Variants in DLG2 observed in about 807,000 individuals in gnomAD.
The protein encoded by DLG2 is disks large homolog 2.
Under a neutral mutation model 132.5 loss-of-function variants are expected in DLG2, and 45 were observed. The ratio of observed to expected loss-of-function variants is 0.34; its 90% CI spans 0.27 to 0.44. The LOEUF (loss-of-function observed/expected upper bound fraction) is 0.44. Ranked by LOEUF, DLG2 falls within the 20% of genes least tolerant of loss-of-function variation. The pLI, the probability that DLG2 is intolerant of heterozygous loss-of-function variation, is 1.00. For synonymous variants in DLG2, 424 were observed against 419.6 expected (o/e 1.01, Z -0.13); for missense variants, 1,045 against 1,196.9 (o/e 0.87, Z 1.87).
chr11:85,275,004 A>G (rs1293859176), intron 4 of DLG2, among the ~76,000 whole-genome samples: 1 of 152,182 alleles, frequency 6.6e-6, no homozygotes, highest in East Asian at 1.9e-4. Context: ...TTTTCCCTGT[A>G]TCTTCGGGAA....
At chr11:85,225,282 C>A (rs1165284363) in intron 4 of DLG2, among the ~76,000 whole-genome samples, 2 of 152,070 alleles carry the variant, frequency 1.3e-5, no homozygotes, top group East Asian at 3.9e-4. Context: ...TTCTCCTAGA[C>A]CCTAAAGTGG....
intron 6 of DLG2, among the ~76,000 whole-genome samples, chr11:84,933,383 G>A (rs1566438290): frequency 1.3e-5 from 2 of 152,114 alleles, no homozygotes; most frequent in South Asian, 2.1e-4. Context: ...TTTTAAAATA[G>A]TTTTTTCTAG....
intron 7 of DLG2, among the ~76,000 whole-genome samples, chr11:84,495,047 CAT>C (rs2099177460): frequency 6.6e-6 from 1 of 152,180 alleles, no homozygotes; most frequent in Non-Finnish European, 1.5e-5. Flanking sequence ...AGCTCACCCA[CAT>C]ACACACACCC....
chr11:83,936,472 T>A (rs1182694237), intron 14 of DLG2, among the ~76,000 whole-genome samples: 1 of 152,200 alleles, frequency 6.6e-6, no homozygotes, highest in Non-Finnish European at 1.5e-5. Context: ...GATTGTTGGG[T>A]CATAAGTAAT....
intron 7 of DLG2, among the ~76,000 whole-genome samples, chr11:84,505,030 A>G (rs1425006580): frequency 1.3e-5 from 2 of 152,138 alleles, no homozygotes; most frequent in African/African-American, 4.8e-5. Context: ...CAAATTGCCA[A>G]TGGATAGGAG....
intron 8 of DLG2, among the ~76,000 whole-genome samples, chr11:84,178,743 G>GA (rs902065613): frequency 4.2e-4 from 61 of 143,730 alleles, no homozygotes; most frequent in African/African-American, 1.2e-3. Context: ...CAACAAAAAA[G>GA]AAAAAAAAAA....
At chr11:84,052,864 C>G (rs935421101) in intron 11 of DLG2, among the ~76,000 whole-genome samples, 2 of 151,960 alleles carry the variant, frequency 1.3e-5, no homozygotes, top group Admixed American at 6.6e-5. Flanking sequence ...AGATAGTCCT[C>G]AAAGACCTAA....
At chr11:84,410,574 C>CTTTTTTTT (rs367980167) in intron 7 of DLG2, among the ~76,000 whole-genome samples, 1 of 109,094 alleles carries the variant, frequency 9.2e-6, no homozygotes, top group Non-Finnish European at 1.8e-5. Flanking sequence ...ACCACATAAA[C>CTTTTTTTT]TTTTTTTTTT....
At chr11:84,913,441 A>C (rs1186158995) in intron 6 of DLG2, among the ~76,000 whole-genome samples, 1 of 152,196 alleles carries the variant, frequency 6.6e-6, no homozygotes, top group Non-Finnish European at 1.5e-5. Context: ...TCTGCTGAAA[A>C]GTAATGGTCC....
In DLG2 at chr11:84,866,855, G is replaced by A. The variant is rs78370075; in HGVS notation, c.357+244806C>T. Among the ~76,000 whole-genome samples the A allele has an allele frequency of 2.6e-4, 40 of 152,288 alleles. No homozygotes were observed. The East Asian group carries it at 6.9e-3, about 26-fold the overall frequency. On this transcript the variant is annotated intron_variant, in intron 6 of 27. Transcript: ENST00000376104. Reference sequence around the variant, plus strand: ...TAAAGTGATAGCTGATAAGTGGCACGAGAAGAGTTCAAGTCTTGACTCAAA... The same window carrying A: ...TAAAGTGATAGCTGATAAGTGGCACAAGAAGAGTTCAAGTCTTGACTCAAA...
chr11:85,468,579 C>T (rs2153071143), intron 3 of DLG2, among the ~76,000 whole-genome samples: 2 of 152,306 alleles, frequency 1.3e-5, no homozygotes, highest in South Asian at 4.1e-4. Context: ...ACCCAGTAGT[C>T]ACACAGGAGC....
chr11:85,340,169 A>G (rs942124737), intron 3 of DLG2, among the ~76,000 whole-genome samples: 2 of 152,188 alleles, frequency 1.3e-5, no homozygotes, highest in African/African-American at 4.8e-5. Context: ...AAATCATGCT[A>G]CTATAAAGAC....
At chr11:85,532,969 A>G (rs966905104) in intron 3 of DLG2, among the ~76,000 whole-genome samples, 1 of 152,204 alleles carries the variant, frequency 6.6e-6, no homozygotes, top group Non-Finnish European at 1.5e-5. Context: ...ATATGAAAAG[A>G]AATTTTGTGA....
intron 7 of DLG2, among the ~76,000 whole-genome samples, chr11:84,331,135 T>C (rs1332232170): frequency 2.0e-5 from 3 of 152,204 alleles, no homozygotes; most frequent in African/African-American, 7.2e-5. Flanking sequence ...AGCAAGAGGT[T>C]TGAATTTATG....
At chr11:85,187,602 T>C (rs976972127) in intron 4 of DLG2, among the ~76,000 whole-genome samples, 10 of 152,144 alleles carry the variant, frequency 6.6e-5, no homozygotes. Flanking sequence ...GAAATGTTTA[T>C]TCATGAAAAA....
intron 6 of DLG2, among the ~76,000 whole-genome samples, chr11:84,783,936 G>A (rs1040858478): frequency 4.6e-5 from 7 of 151,868 alleles, no homozygotes; most frequent in Non-Finnish European, 1.0e-4. Context: ...GAAGCAAATG[G>A]AGTTTTCTAG....
At chr11:83,657,222 T>C (rs775809003) in intron 18 of DLG2, among the ~76,000 whole-genome samples, 7 of 152,214 alleles carry the variant, frequency 4.6e-5, no homozygotes, top group Non-Finnish European at 8.8e-5. Flanking sequence ...TTGGATGGGC[T>C]AACAAAACAA....
At chr11:83,690,831 T>C (rs2080862950) in intron 18 of DLG2, among the ~76,000 whole-genome samples, 1 of 152,222 alleles carries the variant, frequency 6.6e-6, no homozygotes, top group South Asian at 2.1e-4. Context: ...TATGAAACTT[T>C]TATATAAAAG....
intron 12 of DLG2, among the ~76,000 whole-genome samples, chr11:83,976,530 A>C (rs1357717048): frequency 2.6e-5 from 4 of 151,892 alleles, no homozygotes; most frequent in Non-Finnish European, 5.9e-5. Flanking sequence ...GGAATGACAG[A>C]AGGAGAGCAT....
Sources: gnomAD v4.1 joint callset for allele counts (sites outside exome capture counted in the v4.1 genomes callset) on GRCh38, gnomAD v4.1.1 for gene constraint, MANE v1.5 for transcripts, NCBI Gene and HGNC (gene_info 2026-07-23, HGNC 2026-07-21) for gene names.